Variants in SMARCA4 observed in about 807,000 individuals in gnomAD.
SMARCA4 encodes SWI/SNF-related matrix-associated actin-dependent regulator of chromatin subfamily A member 4.
A neutral mutation model predicts 193.9 loss-of-function variants in SMARCA4; 31 were observed. The ratio of observed to expected loss-of-function variants is 0.16; its 90% CI spans 0.12 to 0.22. The LOEUF is 0.22. Ranked by LOEUF, SMARCA4 falls within the 10% of genes least tolerant of loss-of-function variation. The pLI is 1.00. For missense variants in SMARCA4, 1,148 were observed against 2,296.0 expected (o/e 0.50, Z 10.22); for synonymous variants, 942 against 933.1 (o/e 1.01, Z -0.17).
At chr19:10,966,883 G>A (rs1031278882) in intron 1 of SMARCA4, among the ~76,000 whole-genome samples, 3 of 136,772 alleles carry the variant, frequency 2.2e-5, no homozygotes, top group African/African-American at 5.5e-5. Context: ...GCAAGACTAC[G>A]TCTCTACAAA....
rs149503480 is a variant in SMARCA4, at chr19:11,005,414, A to C, written c.2001+2017A>C. On this transcript the variant is annotated intron_variant, in intron 13 of 34. Coordinates refer to ENST00000344626, the MANE Select transcript of SMARCA4 (RefSeq NM_003072.5). The stretch of plus-strand genomic sequence containing the variant: ...TCTTTGTCACTTAGTGGTCATCCAA[A>C]GATTGGCCACAGTTTGTGCTCAGAC... 1.6e-4 allele frequency among the ~76,000 whole-genome samples: 24 copies of C among 152,302 alleles called. 1 individual carries two copies. The Middle Eastern group carries it at 0.014, about 86-fold the overall frequency.
intron 11 of SMARCA4, among the ~76,000 whole-genome samples, chr19:10,997,323 C>T (rs1000588156): frequency 5.3e-5 from 8 of 152,072 alleles, no homozygotes; most frequent in Non-Finnish European, 8.8e-5. Flanking sequence ...CTCAGCCTCC[C>T]GAGTAGCTGG....
In SMARCA4 at chr19:11,008,033, C is replaced by T. The variant is rs2146194658; in HGVS notation, c.2123+10C>T. 6.2e-7 allele frequency: 1 copy of T among 1,611,794 alleles called. No individual in the cohort carries two copies. The highest frequency in any genetic ancestry group is 8.5e-7 in the Non-Finnish European group (1 of 1,178,742). ...CGCGGCACATCATTGAGTAAGGGGTCCCGACACAGGTTGTTCTGTGCCAGC... is the reference window on the plus strand; with the variant it reads ...CGCGGCACATCATTGAGTAAGGGGTTCCGACACAGGTTGTTCTGTGCCAGC... On this transcript the variant is annotated intron_variant, in intron 14 of 34. Transcript: ENST00000344626.
At chr19:11,002,973 A>G in intron 11 of SMARCA4, 56 bp from the exon 12 acceptor site, 3 of 1,608,814 alleles carry the variant, frequency 1.9e-6, no homozygotes, top group Non-Finnish European at 2.6e-6. Context: ...GGCCTCTGTA[A>G]GTGTTTGGTC....
chr19:10,990,632 C>T (rs1029545675), intron 7 of SMARCA4, among the ~76,000 whole-genome samples: 1 of 151,898 alleles, frequency 6.6e-6, no homozygotes, highest in Admixed American at 6.6e-5. Flanking sequence ...AGGCTAGTCT[C>T]GAACTCCTGA....
chr19:11,046,525 A>G (rs1256253223), intron 30 of SMARCA4, among the ~76,000 whole-genome samples: 1 of 152,238 alleles, frequency 6.6e-6, no homozygotes, highest in Non-Finnish European at 1.5e-5. Flanking sequence ...TACAAGTAGG[A>G]CAACAAAGAT....
intron 1 of SMARCA4, among the ~76,000 whole-genome samples, chr19:10,963,386 A>AAAAAAG (rs1568385100): frequency 1.3e-5 from 2 of 151,312 alleles, no homozygotes; most frequent in African/African-American, 2.4e-5. Context: ...AAAAAAAAAA[A>AAAAAAG]AAAAAGAAAA....
Position 11,033,579 on chromosome 19 carries a change from C to A in SMARCA4, c.3774+62C>A. 7.2e-7 allele frequency: 1 copy of A among 1,387,254 alleles called. No homozygotes were observed. Among genetic ancestry groups the A allele is most frequent in the Non-Finnish European group, 1.0e-6 (1 of 974,976 alleles). 85.9% of individuals were successfully genotyped at this position (1,387,254 alleles called of 1,614,324 possible). On this transcript the variant is annotated intron_variant, in intron 26 of 34. Transcript: ENST00000344626. This position sits in a 1 kb window ranked among gnomAD's most constrained non-coding sequence, Gnocchi z 9.8. ...GAATGGTGGACGCGTGAGCGGCTTT[C>A]ATTTTTGTTTTTTTACCTTTTTTGC...
chr19:11,009,405 A>G (rs943922777), intron 14 of SMARCA4, among the ~76,000 whole-genome samples: 2 of 152,168 alleles, frequency 1.3e-5, no homozygotes, highest in African/African-American at 4.8e-5. Flanking sequence ...GAACCTGTTC[A>G]GTCTGTGTTT....
rs1016582247 is a variant in SMARCA4 at position 11,034,794 on chromosome 19, C to T, written c.3952-120C>T. 13 of 737,534 alleles carry T rather than the reference C, an allele frequency of 1.8e-5. No individual in the cohort carries two copies. Among genetic ancestry groups the T allele is most frequent in the South Asian group, 8.9e-5 (6 of 67,318 alleles). The allele number at this position is 737,534 out of a possible 1,614,324, so 45.7% of individuals were successfully genotyped here. On this transcript the variant is annotated intron_variant, in intron 28 of 34. Coordinates refer to ENST00000344626, the MANE Select transcript of SMARCA4 (RefSeq NM_003072.5). This position sits in a 1 kb window ranked among gnomAD's most constrained non-coding sequence, Gnocchi z 7.0. ...AAATCGAGAGCTACTGTTTAACTCT[C>T]GCAGCAGCGTGGAGCCCCACGGGCA...
At chr19:10,978,272 G>A (rs2145637196) in intron 1 of SMARCA4, among the ~76,000 whole-genome samples, 1 of 152,262 alleles carries the variant, frequency 6.6e-6, no homozygotes, top group East Asian at 1.9e-4. Flanking sequence ...CCCCAGAAAT[G>A]TTAAACCTCA....
chr19:10,973,925 A>C (rs976287398), intron 1 of SMARCA4, among the ~76,000 whole-genome samples: 5 of 152,106 alleles, frequency 3.3e-5, no homozygotes, highest in Non-Finnish European at 7.4e-5. Context: ...GTTCACGCAT[A>C]GTAAACGGGG....
At chr19:11,005,323 T>G (rs531609316) in intron 13 of SMARCA4, among the ~76,000 whole-genome samples, 3 of 152,368 alleles carry the variant, frequency 2.0e-5, no homozygotes, top group African/African-American at 7.2e-5. Flanking sequence ...CTCAATTCTT[T>G]TAAACATTTT....
chr19:11,018,953 T>C lies in SMARCA4; in HGVS notation c.2439-4T>C, dbSNP rs1060504430. The C allele has an allele frequency of 1.2e-6, 2 of 1,613,462 alleles. No individual in the cohort carries two copies. Among genetic ancestry groups the C allele is most frequent in the Non-Finnish European group, 1.7e-6 (2 of 1,179,322 alleles). Reference sequence around the variant, plus strand: ...ACTTGACTCTCATTTCCTTGTTCCATCAGAACGCTGTCCAACTGGGCGTAC... The same window carrying C: ...ACTTGACTCTCATTTCCTTGTTCCACCAGAACGCTGTCCAACTGGGCGTAC... On this transcript the variant is annotated splice_polypyrimidine_tract_variant and splice_region_variant and intron_variant, in intron 16 of 34. Coordinates refer to ENST00000344626, the MANE Select transcript of SMARCA4 (RefSeq NM_003072.5).
chr19:10,992,405 C>G (rs2086636597), intron 8 of SMARCA4, among the ~76,000 whole-genome samples: 1 of 151,682 alleles, frequency 6.6e-6, no homozygotes, highest in African/African-American at 2.4e-5. Flanking sequence ...GCGTAATCCC[C>G]CGTGCCTGGC....
In SMARCA4 at chr19:11,046,851, G is replaced by A. The variant is rs535630085; in HGVS notation, c.4424+5291G>A. ...CACTCCTGTTGACTCAGCTATTCAGGAAGCTGAGGCAGAAGGACCACAAGA... is the reference window on the plus strand; with the variant it reads ...CACTCCTGTTGACTCAGCTATTCAGAAAGCTGAGGCAGAAGGACCACAAGA... On this transcript the variant is annotated intron_variant, in intron 30 of 34. Transcript: ENST00000344626. Among the ~76,000 whole-genome samples the A allele has an allele frequency of 4.0e-5, 6 of 150,752 alleles. No homozygotes were observed. The Admixed American group carries it at 4.0e-4, about 10-fold the overall frequency.
At position 11,050,801 on chromosome 19, in the gene SMARCA4, G is replaced by A. The variant is rs143580067; in HGVS notation, c.4425-7454G>A. Among the ~76,000 whole-genome samples, 707 of 152,332 alleles carry A rather than the reference G, an allele frequency of 4.6e-3. 3 individuals carry two copies. Among genetic ancestry groups the A allele is most frequent in the Non-Finnish European group, 7.4e-3 (501 of 68,036 alleles). Reference sequence around the variant, plus strand: ...AGCCCCCAGGGCAGGGCCCCTGAGGGAAGGGTGCAGGTGGAGGGTGGGCAG... The same window carrying A: ...AGCCCCCAGGGCAGGGCCCCTGAGGAAAGGGTGCAGGTGGAGGGTGGGCAG... On this transcript the variant is annotated intron_variant, in intron 30 of 34. Transcript: ENST00000344626.
At chr19:10,997,911 T>G (rs1381586727) in intron 11 of SMARCA4, among the ~76,000 whole-genome samples, 2 of 152,224 alleles carry the variant, frequency 1.3e-5, no homozygotes, top group Non-Finnish European at 2.9e-5. Context: ...AGGTGAACAT[T>G]GGTACAGCAC....
intron 1 of SMARCA4, among the ~76,000 whole-genome samples, chr19:10,966,045 C>T (rs1366276073): frequency 7.0e-5 from 9 of 128,150 alleles, no homozygotes; most frequent in African/African-American, 1.2e-4. Context: ...CACAATGATG[C>T]GGTCCTGGCT....
Sources: allele counts gnomAD v4.1 joint callset (sites outside exome capture counted in the v4.1 genomes callset), GRCh38; gene constraint gnomAD v4.1.1; non-coding constraint Gnocchi (gnomAD v3.1); transcripts MANE v1.5; gene names NCBI Gene and HGNC (gene_info 2026-07-23, HGNC 2026-07-21).